Variants in EPB41L3 observed in about 807,000 individuals in gnomAD.
EPB41L3 encodes the protein band 4.1-like protein 3.
A neutral mutation model predicts 127.1 loss-of-function variants in EPB41L3; 57 were observed. That is an observed-to-expected ratio of 0.45 (90% CI 0.36 to 0.56). The LOEUF (loss-of-function observed/expected upper bound fraction) is 0.56, where lower values mean the gene tolerates loss of function less well. EPB41L3 is among the 20% of genes least tolerant of loss of function. The pLI is 0.00. For synonymous variants in EPB41L3, 572 were observed against 549.5 expected (o/e 1.04, Z -0.57); for missense variants, 1,273 against 1,372.2 (o/e 0.93, Z 1.14).
chr18:5,444,379 T>A (rs1445975519), intron 4 of EPB41L3, among the ~76,000 whole-genome samples: 2 of 152,178 alleles, frequency 1.3e-5, no homozygotes, highest in African/African-American at 4.8e-5. Flanking sequence ...TGTTTAATAA[T>A]GAAGTGAGGC....
intron 3 of EPB41L3, among the ~76,000 whole-genome samples, chr18:5,550,328 T>C (rs1392167193): frequency 2.0e-5 from 3 of 152,198 alleles, no homozygotes; most frequent in Non-Finnish European, 2.9e-5. Flanking sequence ...AGAGGCTCCA[T>C]CCTTCTAAAG....
At chr18:5,539,737 T>A (rs1467399205) in intron 1 of EPB41L3, 1 of 152,230 alleles carries the variant, frequency 6.6e-6, no homozygotes, top group Non-Finnish European at 1.5e-5. Context: ...TATACTTTAT[T>A]GCTTCCGAAT....
At chr18:5,526,025 G>A (rs1020258283) in intron 1 of EPB41L3, among the ~76,000 whole-genome samples, 5 of 151,904 alleles carry the variant, frequency 3.3e-5, no homozygotes, top group African/African-American at 7.3e-5. Context: ...ACCAAGAAAC[G>A]AGACAGCTCT....
In EPB41L3 at chr18:5,540,561, G is replaced by C. The variant is rs534968245; in HGVS notation, c.-12+3352C>G. ...AGCCAAGGCAAATCAAATAACAGCAGAACCCTCCCGGGCTGAGTGCCTGAT... is the reference window on the plus strand; with the variant it reads ...AGCCAAGGCAAATCAAATAACAGCACAACCCTCCCGGGCTGAGTGCCTGAT... On this transcript the variant is annotated intron_variant, in intron 1 of 22. Coordinates refer to ENST00000341928, the MANE Select transcript of EPB41L3 (RefSeq NM_012307.5). The C allele has an allele frequency of 6.1e-5, 60 of 985,420 alleles. No individual in the cohort carries two copies. In the South Asian group the frequency reaches 2.6e-3, roughly 43 times the overall value. 61.0% of individuals were successfully genotyped at this position (985,420 alleles called of 1,614,324 possible). A position where few individuals can be genotyped will look rare whatever the true frequency, so the allele number is the denominator to read the frequency against.
At chr18:5,592,780 T>C (rs1719939) in intron 3 of EPB41L3, among the ~76,000 whole-genome samples, 62,541 of 152,164 alleles carry the variant, frequency 0.41, 13,415 homozygotes, top group Non-Finnish European at 0.48. Flanking sequence ...TGTTACCAAC[T>C]GCAACTGTGC....
chr18:5,400,011 T>C (rs1567982757), intron 16 of EPB41L3: 1 of 143,980 alleles, frequency 6.9e-6, no homozygotes, highest in Non-Finnish European at 1.4e-5. Context: ...GTTCGAGTCT[T>C]ACATTTTTTT....
intron 15 of EPB41L3, 57 bp from the exon 16 acceptor site, chr18:5,407,025 A>T: frequency 6.6e-7 from 1 of 1,525,512 alleles, no homozygotes; most frequent in Non-Finnish European, 9.1e-7. Flanking sequence ...TGTTCCTTTC[A>T]GCTCTTTTGT....
At chr18:5,562,975 A>T (rs1185263197) in intron 3 of EPB41L3, among the ~76,000 whole-genome samples, 1 of 152,258 alleles carries the variant, frequency 6.6e-6, no homozygotes, top group African/African-American at 2.4e-5. Flanking sequence ...CTAGTGGGAC[A>T]ACTGCTACAT....
At chr18:5,425,251 T>C (rs2078014790) in intron 9 of EPB41L3, among the ~76,000 whole-genome samples, 2 of 152,176 alleles carry the variant, frequency 1.3e-5, no homozygotes, top group African/African-American at 4.8e-5. Context: ...GATACAATCA[T>C]GTTTGACCTC....
chr18:5,434,871 C>G (rs1420409725), intron 6 of EPB41L3, among the ~76,000 whole-genome samples: 2 of 152,206 alleles, frequency 1.3e-5, no homozygotes, highest in African/African-American at 2.4e-5. Flanking sequence ...CTGGCAGGTG[C>G]TTCAGAGGTA....
At chr18:5,451,751 T>C (rs1301177266) in intron 3 of EPB41L3, among the ~76,000 whole-genome samples, 2 of 152,246 alleles carry the variant, frequency 1.3e-5, no homozygotes, top group Non-Finnish European at 2.9e-5. Context: ...TTTTCAACAG[T>C]GGATCCTGGG....
chr18:5,406,698 T>C, intron 16 of EPB41L3, 79 bp downstream of exon 16: 1 of 1,312,276 alleles, frequency 7.6e-7, no homozygotes. Flanking sequence ...CAGAAGACTG[T>C]CAAATGCAAT....
chr18:5,413,981 C>G (rs1369116807), intron 13 of EPB41L3, among the ~76,000 whole-genome samples: 2 of 152,146 alleles, frequency 1.3e-5, no homozygotes, highest in Non-Finnish European at 2.9e-5. Context: ...AAGATGTATA[C>G]CCTGGATTAG....
At chr18:5,538,194 T>C (rs900191463) in intron 1 of EPB41L3, among the ~76,000 whole-genome samples, 1 of 152,238 alleles carries the variant, frequency 6.6e-6, no homozygotes, top group African/African-American at 2.4e-5. Flanking sequence ...AATTCTTACA[T>C]ATTCAGAATC....
chr18:5,517,605 T>C lies in EPB41L3; in HGVS notation c.-12+26308A>G, dbSNP rs150067690. On this transcript the variant is annotated intron_variant, in intron 1 of 22. Transcript: ENST00000341928. ...CATGAACCAGTGCACCTGGCTAACC[T>C]TTTTGTATTTATAGTAGAGACAGGG... Among the ~76,000 whole-genome samples, 339 of 152,084 alleles carry C rather than the reference T, an allele frequency of 2.2e-3. 2 individuals are homozygous for C. Among genetic ancestry groups the C allele is most frequent in the African/African-American group, 7.6e-3 (315 of 41,486 alleles).
chr18:5,466,286 C>A lies in EPB41L3; in HGVS notation c.381+11955G>T, dbSNP rs550105560. 3 of 152,158 alleles carry A rather than the reference C, an allele frequency of 2.0e-5. No homozygotes were observed. In the East Asian group the frequency reaches 5.8e-4, roughly 29 times the overall value. 9.4% of individuals were successfully genotyped at this position (152,158 alleles called of 1,614,324 possible). A position where few individuals can be genotyped will look rare whatever the true frequency, so the allele number is the denominator to read the frequency against. ...ACCATATTCCTTTTGTGATAAAAGT[C>A]AAAAAAGTGTTACCTCTCTCCACAT... On this transcript the variant is annotated intron_variant, in intron 3 of 22. Coordinates refer to ENST00000341928, the MANE Select transcript of EPB41L3 (RefSeq NM_012307.5).
At chr18:5,526,356 T>C (rs988626395) in intron 1 of EPB41L3, among the ~76,000 whole-genome samples, 3 of 152,202 alleles carry the variant, frequency 2.0e-5, no homozygotes, top group Non-Finnish European at 4.4e-5. Context: ...CTTCACTTAT[T>C]AGAAAATATC....
upstream of EPB41L3, among the ~76,000 whole-genome samples, chr18:5,545,776 G>A (rs1305310039): frequency 1.3e-5 from 2 of 152,126 alleles, no homozygotes; most frequent in African/African-American, 4.8e-5. Context: ...AGTTCCAATA[G>A]TGGATGTTTG....
At chr18:5,446,987 A>C (rs1228132118) in intron 3 of EPB41L3, among the ~76,000 whole-genome samples, 3 of 152,204 alleles carry the variant, frequency 2.0e-5, no homozygotes, top group Non-Finnish European at 4.4e-5. Flanking sequence ...TTTCACAAAA[A>C]TTGGTTCTTC....
Sources: allele counts gnomAD v4.1 joint callset (sites outside exome capture counted in the v4.1 genomes callset), GRCh38; gene constraint gnomAD v4.1.1; transcripts MANE v1.5; gene names NCBI Gene and HGNC (gene_info 2026-07-23, HGNC 2026-07-21).